Variants in PRKCA observed in about 807,000 individuals in gnomAD.
The protein encoded by PRKCA is protein kinase C alpha type.
Under a neutral mutation model 87.0 loss-of-function variants are expected in PRKCA, and 27 were observed. That is an observed-to-expected ratio of 0.31 (90% CI 0.23 to 0.43). The LOEUF is 0.43. Among genes scored for constraint, PRKCA ranks in the 20% least tolerant of loss-of-function variants. The pLI, the probability that PRKCA is intolerant of heterozygous loss-of-function variation, is 1.00. For synonymous variants in PRKCA, 329 were observed against 311.1 expected, an observed-to-expected ratio of 1.06 and a Z score of -0.61; for missense variants, 518 against 852.3, an observed-to-expected ratio of 0.61 and a Z score of 4.88.
rs547072101 is a variant in PRKCA, at chr17:66,336,140, T to C, written c.205+30013T>C. On this transcript the variant is annotated intron_variant, in intron 2 of 16. Coordinates refer to ENST00000413366, the MANE Select transcript of PRKCA (RefSeq NM_002737.3). ...ACTTTCATTAATAGTACCTGAAATA[T>C]AGGGAGTGCTTCATATTTGTTGAAT... is the stretch of plus-strand genomic sequence containing the variant. Among the ~76,000 whole-genome samples the C allele has an allele frequency of 3.9e-5, 6 of 152,352 alleles. No individual in the cohort carries two copies. The South Asian group carries it at 1.2e-3, about 32-fold the overall frequency.
chr17:66,406,598 T>TTTTTTTTTTTTTTA (rs78327512), intron 2 of PRKCA, among the ~76,000 whole-genome samples: 10 of 144,828 alleles, frequency 6.9e-5, no homozygotes, highest in Non-Finnish European at 1.5e-4. Context: ...TTTTTTTTTT[T>TTTTTTTTTTTTTTA]TTTTTTTTTT....
intron 13 of PRKCA, among the ~76,000 whole-genome samples, chr17:66,771,154 C>G (rs935798248): frequency 6.6e-6 from 1 of 151,984 alleles, no homozygotes; most frequent in Non-Finnish European, 1.5e-5. Flanking sequence ...AGGCATGCAC[C>G]ACCACACCTG....
chr17:66,745,266 C>T (rs749481406), intron 13 of PRKCA, among the ~76,000 whole-genome samples: 33 of 152,226 alleles, frequency 2.2e-4, no homozygotes, highest in African/African-American at 3.1e-4. Context: ...AGAGAATACT[C>T]TGTTCTTGCT....
chr17:66,553,787 TGA>T (rs1360122771), intron 3 of PRKCA, among the ~76,000 whole-genome samples: 5 of 152,146 alleles, frequency 3.3e-5, no homozygotes, highest in Non-Finnish European at 5.9e-5. Flanking sequence ...CCAGGGCCTG[TGA>T]GGGAACCAAG....
chr17:66,620,284 C>T (rs145719570), intron 3 of PRKCA, among the ~76,000 whole-genome samples: 25 of 152,254 alleles, frequency 1.6e-4, no homozygotes, highest in African/African-American at 5.1e-4. Flanking sequence ...ATGAAAAATC[C>T]AGTTCCCTCT....
At chr17:66,613,136 C>T (rs550801696) in intron 3 of PRKCA, among the ~76,000 whole-genome samples, 19 of 152,236 alleles carry the variant, frequency 1.2e-4, no homozygotes, top group Non-Finnish European at 2.2e-4. Flanking sequence ...ATACAGCAGC[C>T]GACTTTTCTC....
intron 2 of PRKCA, among the ~76,000 whole-genome samples, chr17:66,489,015 C>G (rs946152102): frequency 6.6e-5 from 10 of 152,016 alleles, no homozygotes; most frequent in Non-Finnish European, 1.3e-4. Flanking sequence ...TCTGCTGTGA[C>G]GTTGCCTTTC....
At chr17:66,460,095 C>G (rs1271251448) in intron 2 of PRKCA, among the ~76,000 whole-genome samples, 1 of 152,228 alleles carries the variant, frequency 6.6e-6, no homozygotes, top group Non-Finnish European at 1.5e-5. Flanking sequence ...AAATAGGAAG[C>G]CCACAGAGTT....
intron 8 of PRKCA, among the ~76,000 whole-genome samples, chr17:66,730,402 G>A (rs1442792889): frequency 1.3e-5 from 2 of 152,192 alleles, no homozygotes; most frequent in East Asian, 1.9e-4. Context: ...TACTCCATAG[G>A]CAGAGCAGCC....
chr17:66,740,993 G>C (rs1012371908), intron 11 of PRKCA, among the ~76,000 whole-genome samples: 5 of 152,042 alleles, frequency 3.3e-5, no homozygotes, highest in Non-Finnish European at 4.4e-5. Context: ...TGAGCCTCCT[G>C]CATGTGATAT....
At chr17:66,486,518 A>AT (rs2144073523) in intron 2 of PRKCA, among the ~76,000 whole-genome samples, 1 of 151,544 alleles carries the variant, frequency 6.6e-6, no homozygotes, top group South Asian at 2.1e-4. Context: ...TGTTCTTGAG[A>AT]TTTTTCTTCC....
chr17:66,330,272 A>T (rs945746066), intron 2 of PRKCA, among the ~76,000 whole-genome samples: 5 of 151,804 alleles, frequency 3.3e-5, no homozygotes, highest in African/African-American at 1.2e-4. Context: ...CACCCAGTTA[A>T]TTTTTTGTAG....
At chr17:66,695,170 C>T (rs952790812) in intron 8 of PRKCA, among the ~76,000 whole-genome samples, 6 of 152,168 alleles carry the variant, frequency 3.9e-5, no homozygotes, top group Non-Finnish European at 7.3e-5. Flanking sequence ...GGGCTGTTTA[C>T]TCTGTCCAAG....
chr17:66,679,844 C>T (rs953661907), intron 5 of PRKCA, among the ~76,000 whole-genome samples: 6 of 152,222 alleles, frequency 3.9e-5, no homozygotes, highest in African/African-American at 1.4e-4. Context: ...TGCCCGAGCT[C>T]AGCTACTCAT....
intron 2 of PRKCA, among the ~76,000 whole-genome samples, chr17:66,314,095 C>G (rs1394658109): frequency 6.6e-6 from 1 of 152,178 alleles, no homozygotes; most frequent in Non-Finnish European, 1.5e-5. Context: ...TGGGGCGTGT[C>G]ATGGGTTCAG....
At chr17:66,450,326 C>T (rs1914247965) in intron 2 of PRKCA, among the ~76,000 whole-genome samples, 1 of 152,174 alleles carries the variant, frequency 6.6e-6, no homozygotes, top group Non-Finnish European at 1.5e-5. Context: ...CTCTTAGTCA[C>T]AGTCTCCTTG....
chr17:66,354,709 C>A (rs1907948898), intron 2 of PRKCA, among the ~76,000 whole-genome samples: 1 of 152,090 alleles, frequency 6.6e-6, no homozygotes. Flanking sequence ...GGCCATTAAT[C>A]CTATTTCTCC....
chr17:66,356,960 T>C (rs1158785603), intron 2 of PRKCA, among the ~76,000 whole-genome samples: 2 of 152,178 alleles, frequency 1.3e-5, no homozygotes, highest in East Asian at 1.9e-4. Context: ...AGTTTTGCCA[T>C]GTTGCCCATG....
At chr17:66,623,761 A>G (rs1270952502) in intron 3 of PRKCA, among the ~76,000 whole-genome samples, 5 of 152,202 alleles carry the variant, frequency 3.3e-5, no homozygotes, top group Non-Finnish European at 1.5e-5. Context: ...GGGCCCCTTT[A>G]ACCGAGAGAG....
Sources: gnomAD v4.1 joint callset for allele counts (sites outside exome capture counted in the v4.1 genomes callset) on GRCh38, gnomAD v4.1.1 for gene constraint, MANE v1.5 for transcripts, NCBI Gene and HGNC (gene_info 2026-07-23, HGNC 2026-07-21) for gene names.